Variants in POPDC1 observed in about 807,000 individuals in gnomAD.
POPDC1 encodes popeye domain-containing protein 1.
the POPDC1 span, among the ~76,000 whole-genome samples, chr6:105,119,885 AAGT>A: frequency 6.6e-6 from 1 of 152,210 alleles, no homozygotes; most frequent in South Asian, 2.1e-4. Context: ...CGACCTGTTT[AAGT>A]TATTATTGAA....
the POPDC1 span, chr6:105,099,441 T>C: frequency 8.5e-5 from 13 of 152,198 alleles, no homozygotes; most frequent in Non-Finnish European, 1.5e-4. Context: ...TTCTTAGCCA[T>C]TTAACGTAAC....
chr6:105,115,688 A>G, the POPDC1 span: 6 of 1,614,050 alleles, frequency 3.7e-6, no homozygotes, highest in South Asian at 3.3e-5. Flanking sequence ...TAACTTACGA[A>G]GAGAGGACAT....
the POPDC1 span, chr6:105,124,639 G>A: frequency 1.0e-5 from 16 of 1,604,510 alleles, no homozygotes; most frequent in African/African-American, 6.7e-5. Flanking sequence ...AAATGTCCTC[G>A]ATAGGAGACC....
At chr6:105,119,060 C>G in the POPDC1 span, among the ~76,000 whole-genome samples, 1 of 151,852 alleles carries the variant, frequency 6.6e-6, no homozygotes, top group African/African-American at 2.4e-5. Flanking sequence ...TGGCAGGCGC[C>G]TGTAATCCCA....
the POPDC1 span, among the ~76,000 whole-genome samples, chr6:105,117,838 G>A: frequency 6.6e-6 from 1 of 152,150 alleles, no homozygotes; most frequent in African/African-American, 2.4e-5. Flanking sequence ...TTGTATGAAG[G>A]ACTTAAGCAA....
the POPDC1 span, among the ~76,000 whole-genome samples, chr6:105,108,161 A>G: frequency 2.0e-5 from 3 of 152,126 alleles, no homozygotes; most frequent in African/African-American, 7.2e-5. Flanking sequence ...GCCAAGGAGG[A>G]GCAAAAGTCC....
At chr6:105,124,875 C>T in the POPDC1 span, among the ~76,000 whole-genome samples, 8 of 152,124 alleles carry the variant, frequency 5.3e-5, no homozygotes, top group South Asian at 4.2e-4. Context: ...CAGAGGTATG[C>T]TGTCTAGTGG....
the POPDC1 span, among the ~76,000 whole-genome samples, chr6:105,104,857 T>C: frequency 6.6e-6 from 1 of 152,096 alleles, no homozygotes; most frequent in Non-Finnish European, 1.5e-5. Flanking sequence ...GTTGGGGAAA[T>C]AAAAAGGAAT....
the POPDC1 span, among the ~76,000 whole-genome samples, chr6:105,109,257 C>A: frequency 6.6e-6 from 1 of 151,942 alleles, no homozygotes; most frequent in Non-Finnish European, 1.5e-5. Context: ...TGGGCCCAGC[C>A]CTTAATGTCC....
At chr6:105,115,599 T>C in the POPDC1 span, 1 of 1,468,546 alleles carries the variant, frequency 6.8e-7, no homozygotes, top group South Asian at 1.4e-5. Context: ...ACCTGCAAAG[T>C]TATTTTTCTA....
chr6:105,118,752 T>C, the POPDC1 span, among the ~76,000 whole-genome samples: 1 of 152,188 alleles, frequency 6.6e-6, no homozygotes, highest in African/African-American at 2.4e-5. Context: ...TGCTTTCATA[T>C]CTATCATGTA....
the POPDC1 span, among the ~76,000 whole-genome samples, chr6:105,102,417 A>G: frequency 6.6e-6 from 1 of 152,230 alleles, no homozygotes. Flanking sequence ...TGAGCATGTC[A>G]CACGGCTGCT....
chr6:105,114,902 C>T, the POPDC1 span, among the ~76,000 whole-genome samples: 1 of 152,202 alleles, frequency 6.6e-6, no homozygotes, highest in Non-Finnish European at 1.5e-5. Context: ...GGCACTCATA[C>T]TGAGATAACC....
chr6:105,123,281 C>T, the POPDC1 span, among the ~76,000 whole-genome samples: 3 of 152,302 alleles, frequency 2.0e-5, no homozygotes, highest in Admixed American at 1.3e-4. Flanking sequence ...GAAACTCTCA[C>T]CCATTTATTT....
chr6:105,106,897 A>G, the POPDC1 span, among the ~76,000 whole-genome samples: 1 of 152,252 alleles, frequency 6.6e-6, no homozygotes, highest in Non-Finnish European at 1.5e-5. Flanking sequence ...TGAAATGATT[A>G]TATCAGGGTA....
the POPDC1 span, among the ~76,000 whole-genome samples, chr6:105,134,172 AT>A: frequency 6.6e-6 from 1 of 152,090 alleles, no homozygotes; most frequent in Non-Finnish European, 1.5e-5. Context: ...TATGCAAATA[AT>A]ATATAGCCAT....
chr6:105,115,239 A>C, the POPDC1 span, among the ~76,000 whole-genome samples: 1 of 152,122 alleles, frequency 6.6e-6, no homozygotes, highest in South Asian at 2.1e-4. Flanking sequence ...GGCGCCTGCC[A>C]CCAAGCCCGG....
At chr6:105,110,150 T>G in the POPDC1 span, among the ~76,000 whole-genome samples, 1 of 151,986 alleles carries the variant, frequency 6.6e-6, no homozygotes, top group South Asian at 2.1e-4. Context: ...AGCCTAAAAA[T>G]GGAAAATGAA....
At chr6:105,103,792 C>G in the POPDC1 span, among the ~76,000 whole-genome samples, 1 of 152,140 alleles carries the variant, frequency 6.6e-6, no homozygotes, top group Admixed American at 6.5e-5. Context: ...TACTCTGGAG[C>G]CACAATGGTA....
Sources: gnomAD v4.1 joint callset for allele counts (sites outside exome capture counted in the v4.1 genomes callset) on GRCh38, gnomAD v4.1.1 for gene constraint, MANE v1.5 for transcripts, NCBI Gene and HGNC (gene_info 2026-07-23, HGNC 2026-07-21) for gene names.